The following TDRD3 variants were observed in gnomAD, a reference collection of about 807,000 sequenced individuals.
TDRD3 encodes tudor domain-containing protein 3.
In TDRD3, 45 loss-of-function variants were observed where a neutral mutation model predicts 86.7. The ratio of observed to expected loss-of-function variants is 0.52; its 90% CI spans 0.41 to 0.67. TDRD3 has a LOEUF of 0.67. Among genes scored for constraint, TDRD3 ranks in the 30% least tolerant of loss-of-function variants. The pLI, the probability that TDRD3 is intolerant of heterozygous loss-of-function variation, is 0.00. For synonymous variants in TDRD3, 298 were observed against 301.7 expected (o/e 0.99, Z 0.13); for missense variants, 814 against 889.0 (o/e 0.92, Z 1.07).
rs188385394 is a variant in TDRD3 at position 60,462,194 on chromosome 13, A to G, written c.353+1654A>G. The stretch of plus-strand genomic sequence containing the variant: ...CTTTTCAAATTCCTATGACGAATTC[A>G]GTCACACCCCTTGCAAGGGAGCTCA... On this transcript the variant is annotated intron_variant, in intron 4 of 13. Transcript: ENST00000377881. Among the ~76,000 whole-genome samples, 10 of 152,332 alleles carry G rather than the reference A, an allele frequency of 6.6e-5. No homozygotes were observed. The East Asian group carries it at 1.7e-3, about 26-fold the overall frequency.
At chr13:60,492,680 T>C (rs1956612526) in intron 7 of TDRD3, among the ~76,000 whole-genome samples, 1 of 146,508 alleles carries the variant, frequency 6.8e-6, no homozygotes, top group Admixed American at 7.0e-5. Context: ...ATTTCAAATA[T>C]TTTTTTTTTT....
Position 60,444,683 on chromosome 13 carries a change from A to G in TDRD3, c.127A>G (p.Thr43Ala). The G allele has an allele frequency of 7.1e-7, 1 of 1,413,988 alleles. No individual in the cohort carries two copies. 87.6% of individuals were successfully genotyped at this position (1,413,988 alleles called of 1,614,324 possible). Residue 43 changes from threonine (T) to alanine (A), a missense_variant and splice_region_variant, in exon 3 of 14, where the codon ACA becomes GCA. By Grantham distance (58) the Thr-to-Ala change is moderately conservative. Coordinates refer to ENST00000377881, the MANE Select transcript of TDRD3 (RefSeq NM_001146070.2). ...VNDIILIALN[T>A]DLRTIGKKFL... ...TTTAATAATAATATTTTTATTTTAG[A>G]CAGATCTGAGAACAATTGGCAAGAA... is the stretch of plus-strand genomic sequence containing the variant.
intron 10 of TDRD3, among the ~76,000 whole-genome samples, chr13:60,524,824 C>T (rs948684097): frequency 6.6e-6 from 1 of 151,680 alleles, no homozygotes; most frequent in Non-Finnish European, 1.5e-5. Context: ...TTCGGCCAGG[C>T]GCAGTGGCTC....
intron 7 of TDRD3, among the ~76,000 whole-genome samples, chr13:60,492,640 T>G (rs1956611606): frequency 6.6e-6 from 1 of 152,212 alleles, no homozygotes; most frequent in Non-Finnish European, 1.5e-5. Flanking sequence ...AATACGTTTT[T>G]CTAGTTATAC....
In TDRD3 at chr13:60,554,001, T is replaced by G. The variant is rs1051284530; in HGVS notation, c.2119-13524T>G. ...GCTCCTTTAAGATAACAATATTGGTTGCAAAGTTATAAAGATTTCAGGTTT... is the reference window on the plus strand; with the variant it reads ...GCTCCTTTAAGATAACAATATTGGTGGCAAAGTTATAAAGATTTCAGGTTT... On this transcript the variant is annotated intron_variant, in intron 12 of 13. Transcript: ENST00000377881. Among the ~76,000 whole-genome samples, 5 of 152,352 alleles carry G rather than the reference T, an allele frequency of 3.3e-5. No individual in the cohort carries two copies. The South Asian group carries it at 1.0e-3, about 32-fold the overall frequency.
chr13:60,490,347 G>A (rs1956558626), intron 7 of TDRD3, among the ~76,000 whole-genome samples: 1 of 152,184 alleles, frequency 6.6e-6, no homozygotes, highest in Non-Finnish European at 1.5e-5. Context: ...CTGAGCAAGA[G>A]TATTCCAGGC....
At chr13:60,555,919 C>T (rs904371979) in intron 12 of TDRD3, among the ~76,000 whole-genome samples, 12 of 148,182 alleles carry the variant, frequency 8.1e-5, no homozygotes, top group South Asian at 2.1e-4. Flanking sequence ...GGCGCGATCT[C>T]GGCTCACTGC....
chr13:60,480,392 G>T (rs1956284208), intron 5 of TDRD3, among the ~76,000 whole-genome samples: 1 of 152,014 alleles, frequency 6.6e-6, no homozygotes, highest in Non-Finnish European at 1.5e-5. Context: ...TTTTTGTAAG[G>T]CCCCTTTTCT....
chr13:60,523,720 G>A (rs1383169403), intron 10 of TDRD3, among the ~76,000 whole-genome samples: 1 of 151,620 alleles, frequency 6.6e-6, no homozygotes, highest in African/African-American at 2.4e-5. Flanking sequence ...GGGACTACAG[G>A]TGCATGCCAC....
chr13:60,466,573 AG>A (rs1194594027), intron 4 of TDRD3, among the ~76,000 whole-genome samples: 1 of 152,082 alleles, frequency 6.6e-6, no homozygotes, highest in Non-Finnish European at 1.5e-5. Context: ...GGATCACCTG[AG>A]GTCATGAGTT....
chr13:60,553,541 AT>A (rs973247708), intron 12 of TDRD3, among the ~76,000 whole-genome samples: 3 of 146,048 alleles, frequency 2.1e-5, no homozygotes, highest in African/African-American at 2.6e-5. Flanking sequence ...TGGGTAATTT[AT>A]TTTTTTTAAA....
intron 1 of TDRD3, among the ~76,000 whole-genome samples, chr13:60,406,868 A>G (rs1820579826): frequency 6.6e-6 from 1 of 152,242 alleles, no homozygotes; most frequent in Admixed American, 6.5e-5. Context: ...TATATAAAAT[A>G]CAAATAAAAT....
chr13:60,545,713 C>T (rs1439093191), intron 12 of TDRD3, among the ~76,000 whole-genome samples: 3 of 151,798 alleles, frequency 2.0e-5, no homozygotes, highest in African/African-American at 7.3e-5. Flanking sequence ...TGAATTTGAC[C>T]ATCAGTACCC....
intron 8 of TDRD3, among the ~76,000 whole-genome samples, chr13:60,501,355 CA>C (rs1381782365): frequency 6.6e-6 from 1 of 152,202 alleles, no homozygotes; most frequent in Non-Finnish European, 1.5e-5. Context: ...GTTCTGTCTA[CA>C]GCACCATTTG....
In TDRD3 at chr13:60,526,606, T is replaced by C. The variant is rs530972247; in HGVS notation, c.1142-1761T>C. 1.7e-4 allele frequency among the ~76,000 whole-genome samples: 26 copies of C among 151,684 alleles called. 1 individual carries two copies. The South Asian group carries it at 5.4e-3, about 32-fold the overall frequency. On this transcript the variant is annotated intron_variant, in intron 10 of 13. Coordinates refer to ENST00000377881, the MANE Select transcript of TDRD3 (RefSeq NM_001146070.2). ...TGTTATGTTTATTAGGCAGATATTC[T>C]TGGGGGAAAGTTTTTTTTTTTTTTT...
At chr13:60,454,323 CTTA>C (rs1398663034) in intron 3 of TDRD3, among the ~76,000 whole-genome samples, 2 of 152,074 alleles carry the variant, frequency 1.3e-5, no homozygotes, top group Middle Eastern at 6.8e-3. Context: ...CTAGTTTAGG[CTTA>C]TTATTTTGTA....
chr13:60,535,043 C>T, intron 11 of TDRD3, 65 bp from the exon 12 acceptor site: 3 of 1,567,896 alleles, frequency 1.9e-6, no homozygotes, highest in Admixed American at 1.9e-5. Context: ...TTTACATTTC[C>T]CTCAAATATT....
chr13:60,492,931 T>TC lies in TDRD3; in HGVS notation c.718-1504_718-1503insC, dbSNP rs1380025310. On this transcript the variant is annotated intron_variant, in intron 7 of 13. Coordinates refer to ENST00000377881, the MANE Select transcript of TDRD3 (RefSeq NM_001146070.2). ...TTCTTTCTTTTCTTTTTTTTTTTTTTTTTTTGAGACGGAGTCTCGCTGTAT... is the reference window on the plus strand; with the variant it reads ...TTCTTTCTTTTCTTTTTTTTTTTTTTCTTTTTGAGACGGAGTCTCGCTGTAT... 4.7e-5 allele frequency among the ~76,000 whole-genome samples: 7 copies of TC among 147,620 alleles called. No homozygotes were observed. The East Asian group carries it at 1.4e-3, about 29-fold the overall frequency.
intron 5 of TDRD3, among the ~76,000 whole-genome samples, chr13:60,477,864 A>G (rs1299471801): frequency 1.3e-5 from 2 of 152,172 alleles, no homozygotes. Context: ...AGATTTTGAC[A>G]TCAGGATGAT....
Sources: gnomAD v4.1 joint callset for allele counts (sites outside exome capture counted in the v4.1 genomes callset) on GRCh38, gnomAD v4.1.1 for gene constraint, MANE v1.5 for transcripts, NCBI Gene and HGNC (gene_info 2026-07-23, HGNC 2026-07-21) for gene names.